The following MCTP1 variants were observed in gnomAD, a reference collection of about 807,000 sequenced individuals.
The protein encoded by MCTP1 is multiple C2 and transmembrane domain-containing protein 1.
In MCTP1, 69 loss-of-function variants were observed where a neutral mutation model predicts 120.6. That is an observed-to-expected ratio of 0.57 (90% CI 0.47 to 0.70). The LOEUF (loss-of-function observed/expected upper bound fraction) is 0.70. MCTP1 is among the 30% of genes least tolerant of loss of function. MCTP1 has a pLI of 0.00. For missense variants in MCTP1, 1,203 were observed against 1,248.8 expected, an observed-to-expected ratio of 0.96 and a Z score of 0.55; for synonymous variants, 529 against 493.1, an observed-to-expected ratio of 1.07 and a Z score of -0.96.
intron 2 of MCTP1, among the ~76,000 whole-genome samples, chr5:94,970,616 T>G (rs1826598508): frequency 6.6e-6 from 1 of 152,058 alleles, no homozygotes; most frequent in South Asian, 2.1e-4. Flanking sequence ...CTATGACTGG[T>G]AATTGACTCA....
intron 2 of MCTP1, among the ~76,000 whole-genome samples, chr5:95,000,958 G>A (rs893441049): frequency 1.3e-5 from 2 of 152,166 alleles, no homozygotes; most frequent in Non-Finnish European, 2.9e-5. Context: ...ACTTTCAACT[G>A]TAATCCCATA....
chr5:94,765,860 C>T (rs1203944832), intron 19 of MCTP1, among the ~76,000 whole-genome samples: 1 of 150,758 alleles, frequency 6.6e-6, no homozygotes, highest in Non-Finnish European at 1.5e-5. Flanking sequence ...ATAAATAAAT[C>T]AGAATTGAAA....
chr5:95,020,711 C>T (rs1838039266), intron 1 of MCTP1, among the ~76,000 whole-genome samples: 1 of 151,772 alleles, frequency 6.6e-6, no homozygotes, highest in Admixed American at 6.6e-5. Context: ...TTTTAAAATT[C>T]CTTTTATAAT....
At chr5:94,908,941 A>G (rs1406418136) in intron 10 of MCTP1, among the ~76,000 whole-genome samples, 1 of 152,068 alleles carries the variant, frequency 6.6e-6, no homozygotes, top group African/African-American at 2.4e-5. Context: ...ACAGACTATG[A>G]ATATGGTCTT....
At position 94,929,668 on chromosome 5, in the gene MCTP1, A is replaced by T. The variant is rs546567741; in HGVS notation, c.1212+2285T>A. The T allele has an allele frequency of 3.8e-5, 37 of 985,246 alleles. No individual in the cohort carries two copies. The South Asian group carries it at 1.4e-3, about 38-fold the overall frequency. 61.0% of individuals were successfully genotyped at this position (985,246 alleles called of 1,614,324 possible). A position where few individuals can be genotyped will look rare whatever the true frequency, so the allele number is the denominator to read the frequency against. Reference sequence around the variant, plus strand: ...GAAGCACAATTTACCGGAGGAAAAGATTCAGGGAGCAGTTTCAATGTAGCA... The same window carrying T: ...GAAGCACAATTTACCGGAGGAAAAGTTTCAGGGAGCAGTTTCAATGTAGCA... On this transcript the variant is annotated intron_variant, in intron 6 of 22. Transcript: ENST00000515393.
At chr5:94,874,327 A>G (rs1020646634) in intron 12 of MCTP1, among the ~76,000 whole-genome samples, 2 of 152,152 alleles carry the variant, frequency 1.3e-5, no homozygotes, top group African/African-American at 4.8e-5. Context: ...TTTAATGGGA[A>G]GGAATTCATT....
At chr5:94,779,060 G>C (rs1205633513) in intron 19 of MCTP1, 50 bp downstream of exon 19, 1 of 1,492,388 alleles carries the variant, frequency 6.7e-7, no homozygotes, top group Non-Finnish European at 9.4e-7. Flanking sequence ...ACAGTGTCAT[G>C]TCTACATTTC....
chr5:94,813,104 G>A (rs1324947757), intron 17 of MCTP1, among the ~76,000 whole-genome samples: 1 of 152,110 alleles, frequency 6.6e-6, no homozygotes, highest in Non-Finnish European at 1.5e-5. Context: ...TGTATTCAGA[G>A]TATGTAGAGT....
chr5:94,868,234 T>C (rs1394404616), intron 17 of MCTP1, 99 bp downstream of exon 17: 3 of 1,190,962 alleles, frequency 2.5e-6, no homozygotes, highest in Admixed American at 3.1e-5. Context: ...AGTTTTAAAA[T>C]GGCCACATCA....
chr5:94,911,921 C>T (rs187912531), intron 9 of MCTP1, among the ~76,000 whole-genome samples: 11 of 152,098 alleles, frequency 7.2e-5, no homozygotes, highest in Admixed American at 5.2e-4. Context: ...CCTTTAAATG[C>T]GTAACATATA....
chr5:95,228,548 A>G (rs1754555970), intron 1 of MCTP1, among the ~76,000 whole-genome samples: 1 of 152,148 alleles, frequency 6.6e-6, no homozygotes, highest in South Asian at 2.1e-4. Context: ...CAAAATATAT[A>G]AAATTTTAGC....
chr5:95,070,547 C>G (rs576583012), intron 1 of MCTP1, among the ~76,000 whole-genome samples: 19 of 152,338 alleles, frequency 1.2e-4, no homozygotes, highest in African/African-American at 4.6e-4. Context: ...TGTATGCTGG[C>G]CCAGTTCCTC....
At chr5:95,031,394 A>C (rs955315503) in intron 1 of MCTP1, among the ~76,000 whole-genome samples, 7 of 152,182 alleles carry the variant, frequency 4.6e-5, no homozygotes, top group African/African-American at 1.7e-4. Context: ...CAAAACAGCC[A>C]AATTACCTAT....
rs115765137 is a variant in MCTP1, at chr5:94,925,852, A to G, written c.1213-1831T>C. 2.8e-3 allele frequency among the ~76,000 whole-genome samples: 429 copies of G among 152,350 alleles called. 3 individuals carry two copies. Among genetic ancestry groups the G allele is most frequent in the South Asian group, 5.4e-3 (26 of 4,832 alleles). ...TAAACTGTTTCTACCAAGATTTCTA[A>G]TTTATAAGAGTAGTAAGATGCATTG... On this transcript the variant is annotated intron_variant, in intron 6 of 22. Transcript: ENST00000515393.
intron 17 of MCTP1, among the ~76,000 whole-genome samples, chr5:94,817,995 T>C (rs977023585): frequency 1.2e-4 from 19 of 152,204 alleles, no homozygotes; most frequent in African/African-American, 4.3e-4. Flanking sequence ...CTCCTGGTTA[T>C]ACTAATCGGT....
intron 2 of MCTP1, among the ~76,000 whole-genome samples, chr5:94,954,208 C>A: frequency 3.6e-5 from 3 of 82,942 alleles, no homozygotes; most frequent in African/African-American, 9.1e-5. Context: ...ATATATATGC[C>A]ATGGAATACT....
rs538342485 is a variant in MCTP1 at position 95,214,083 on chromosome 5, C to T, written c.720+69773G>A. Among the ~76,000 whole-genome samples the T allele has an allele frequency of 7.0e-3, 1,063 of 152,400 alleles. 14 individuals carry two copies. Among genetic ancestry groups the T allele is most frequent in the African/African-American group, 0.024 (1,007 of 41,590 alleles). On this transcript the variant is annotated intron_variant, in intron 1 of 22. Transcript: ENST00000515393. Reference sequence around the variant, plus strand: ...ACCATCAGAGTGAACAGGCAACCTACAGAATGGGAGAAAATTTTGGCAACC... The same window carrying T: ...ACCATCAGAGTGAACAGGCAACCTATAGAATGGGAGAAAATTTTGGCAACC...
chr5:94,790,724 G>C (rs1193610739), intron 18 of MCTP1, among the ~76,000 whole-genome samples: 1 of 152,122 alleles, frequency 6.6e-6, no homozygotes, highest in Non-Finnish European at 1.5e-5. Flanking sequence ...GAGTTGGTAG[G>C]GTCAGACTGG....
At chr5:94,867,099 T>TGA (rs1796957845) in intron 17 of MCTP1, 2 of 660,870 alleles carry the variant, frequency 3.0e-6, no homozygotes, top group East Asian at 7.0e-5. Context: ...TTCTCATCAA[T>TGA]GTAAAAGTAC....
Sources: allele counts gnomAD v4.1 joint callset (sites outside exome capture counted in the v4.1 genomes callset), GRCh38; gene constraint gnomAD v4.1.1; transcripts MANE v1.5; gene names NCBI Gene and HGNC (gene_info 2026-07-23, HGNC 2026-07-21).